Variants in SP140L observed in about 807,000 individuals in gnomAD.
SP140L encodes nuclear body protein SP140-like protein.
Under a neutral mutation model 84.3 loss-of-function variants are expected in SP140L, and 64 were observed. The ratio of observed to expected loss-of-function variants is 0.76; its 90% CI spans 0.62 to 0.94. The LOEUF (loss-of-function observed/expected upper bound fraction) is 0.94. Among genes scored for constraint, SP140L ranks in the 40% least tolerant of loss-of-function variants. The pLI, the probability that SP140L is intolerant of heterozygous loss-of-function variation, is 0.00. For missense variants in SP140L, 628 were observed against 692.5 expected (o/e 0.91, Z 1.05); for synonymous variants, 242 against 236.9 (o/e 1.02, Z -0.20).
At chr2:230,400,785 G>A in intron 15 of SP140L, 170 bp from the exon 16 acceptor site, 2 of 1,477,680 alleles carry the variant, frequency 1.4e-6, no homozygotes, top group Admixed American at 2.0e-5. Context: ...GCGAGGGAAA[G>A]GCCAGTGGCT....
intron 2 of SP140L, among the ~76,000 whole-genome samples, chr2:230,349,567 T>C (rs192633110): frequency 6.6e-6 from 1 of 152,342 alleles, no homozygotes; most frequent in East Asian, 1.9e-4. Flanking sequence ...CATACAAGTC[T>C]TGCATTCTGT....
At chr2:230,381,863 G>C (rs1371209477) in intron 7 of SP140L, among the ~76,000 whole-genome samples, 1 of 152,158 alleles carries the variant, frequency 6.6e-6, no homozygotes, top group African/African-American at 2.4e-5. Context: ...TTAATGCCTG[G>C]CTTTCATACA....
chr2:230,396,361 A>C (rs776805185), intron 13 of SP140L, among the ~76,000 whole-genome samples: 1 of 152,254 alleles, frequency 6.6e-6, no homozygotes, highest in Non-Finnish European at 1.5e-5. Flanking sequence ...CATTTATTGG[A>C]GCAAAGAGCA....
intron 7 of SP140L, among the ~76,000 whole-genome samples, chr2:230,374,544 G>C (rs2061183834): frequency 6.6e-6 from 1 of 152,162 alleles, no homozygotes; most frequent in South Asian, 2.1e-4. Context: ...ATCTACTGTG[G>C]TAAAATGCTA....
intron 16 of SP140L, 49 bp from the exon 17 acceptor site, chr2:230,401,317 G>C: frequency 1.2e-6 from 2 of 1,609,806 alleles, no homozygotes; most frequent in Non-Finnish European, 1.7e-6. Flanking sequence ...ATGCATGTGG[G>C]CTCATTCTCT....
intron 7 of SP140L, among the ~76,000 whole-genome samples, chr2:230,377,417 G>T (rs148192276): frequency 0.012 from 1,889 of 152,144 alleles, 23 homozygotes; most frequent in Middle Eastern, 0.02. Context: ...CTTATGTTTA[G>T]CCCCTGTCAA....
At position 230,403,372 on chromosome 2, in the gene SP140L, T is replaced by G. The variant is rs1466874094; in HGVS notation, c.*476T>G. The stretch of plus-strand genomic sequence containing the variant: ...TGCCTGCCACCATGCCCAGCTAATT[T>G]TTTGCATTTTTAGTAGAGACGGGGT... On this transcript the variant is annotated 3_prime_UTR_variant, in exon 19 of 19. Coordinates refer to ENST00000415673, the MANE Select transcript of SP140L (RefSeq NM_138402.6). 6.5e-6 allele frequency: 1 copy of G among 154,632 alleles called. No individual in the cohort carries two copies. Among genetic ancestry groups the G allele is most frequent in the African/African-American group, 2.4e-5 (1 of 41,372 alleles). 9.6% of individuals were successfully genotyped at this position (154,632 alleles called of 1,614,324 possible).
intron 2 of SP140L, among the ~76,000 whole-genome samples, chr2:230,342,543 G>A (rs988431162): frequency 2.6e-5 from 4 of 151,402 alleles, no homozygotes; most frequent in African/African-American, 9.7e-5. Flanking sequence ...TAATGGAAAG[G>A]TTTTTTTTTC....
intron 2 of SP140L, among the ~76,000 whole-genome samples, chr2:230,337,540 T>C (rs2059914643): frequency 6.6e-6 from 1 of 151,934 alleles, no homozygotes; most frequent in African/African-American, 2.4e-5. Context: ...TGCCATTGCT[T>C]TTGGTGTTTT....
At chr2:230,383,488 C>A (rs1211183331) in intron 7 of SP140L, 22 bp from the exon 8 acceptor site, 2 of 1,583,446 alleles carry the variant, frequency 1.3e-6, no homozygotes, top group Admixed American at 1.8e-5. Context: ...GTATAATTAA[C>A]TTTATTCTCT....
intron 7 of SP140L, among the ~76,000 whole-genome samples, chr2:230,377,858 C>T (rs112671120): frequency 7.0e-6 from 1 of 142,454 alleles, no homozygotes; most frequent in South Asian, 2.3e-4. Context: ...TACCATTTTT[C>T]CTTTATAATC....
In SP140L at chr2:230,339,769, G is replaced by T. The variant is rs1353974206; in HGVS notation, c.107+10938G>T. Among the ~76,000 whole-genome samples the T allele has an allele frequency of 1.4e-4, 19 of 140,148 alleles. No homozygotes were observed. In the East Asian group the frequency reaches 3.5e-3, roughly 26 times the overall value. 91.9% of individuals were successfully genotyped at this position (140,148 alleles called of 152,430 possible). A position where few individuals can be genotyped will look rare whatever the true frequency, so the allele number is the denominator to read the frequency against. ...TTGTTATGTACCCAGTAGTCATTCA[G>T]GAGCAGGTTGTTCAGTTTCCATGTA... On this transcript the variant is annotated intron_variant, in intron 2 of 18. Coordinates refer to ENST00000415673, the MANE Select transcript of SP140L (RefSeq NM_138402.6).
At position 230,402,864 on chromosome 2, in the gene SP140L, T is replaced by G; in HGVS notation, c.1711T>G (p.Phe571Val). The G allele has an allele frequency of 6.2e-7, 1 of 1,613,172 alleles. No homozygotes were observed. The highest frequency in any genetic ancestry group is 8.5e-7 in the Non-Finnish European group (1 of 1,179,766). Residue 571 changes from phenylalanine to valine, a missense_variant, in exon 19 of 19, where the codon TTT (phenylalanine) becomes GTT (valine). By Grantham distance (50) the Phe-to-Val change is conservative (BLOSUM62 -1). Transcript: ENST00000415673. ...AEFEKDFKEV[F>V]AIQETNGNS ...ATTTGAGAAGGATTTCAAGGAAGTG[T>G]TTGCTATTCAGGAAACAAATGGGAA...
intron 2 of SP140L, among the ~76,000 whole-genome samples, chr2:230,349,273 TA>T (rs1253330129): frequency 6.6e-6 from 1 of 152,248 alleles, no homozygotes; most frequent in Non-Finnish European, 1.5e-5. Flanking sequence ...GGTAGCTTTA[TA>T]ATAAGTGTTG....
At chr2:230,364,556 T>G (rs1037829292) in intron 5 of SP140L, among the ~76,000 whole-genome samples, 8 of 152,124 alleles carry the variant, frequency 5.3e-5, no homozygotes, top group African/African-American at 1.7e-4. Flanking sequence ...CTTCAGGGTT[T>G]TCTCTATATA....
intron 2 of SP140L, among the ~76,000 whole-genome samples, chr2:230,352,674 GTC>G (rs1288025260): frequency 1.3e-5 from 2 of 151,932 alleles, no homozygotes; most frequent in East Asian, 3.9e-4. Flanking sequence ...ATTTTATTAG[GTC>G]TCTCTCTAGT....
At position 230,403,031 on chromosome 2, in the gene SP140L, A is replaced by G; in HGVS notation, c.*135A>G. On this transcript the variant is annotated 3_prime_UTR_variant, in exon 19 of 19. Coordinates refer to ENST00000415673, the MANE Select transcript of SP140L (RefSeq NM_138402.6). ...GCCTCCCTCATCTGCCCAAAAACAA[A>G]TCCTCAAAAGAAATTTGATCATCAT... The G allele has an allele frequency of 1.5e-6, 1 of 648,950 alleles. No individual in the cohort carries two copies. Among genetic ancestry groups the G allele is most frequent in the Non-Finnish European group, 2.6e-6 (1 of 380,956 alleles). The allele number at this position is 648,950 out of a possible 1,614,324, so 40.2% of individuals were successfully genotyped here. A position where few individuals can be genotyped will look rare whatever the true frequency, so the allele number is the denominator to read the frequency against.
At position 230,333,449 on chromosome 2, in the gene SP140L, C is replaced by T. The variant is rs537184372; in HGVS notation, c.107+4618C>T. On this transcript the variant is annotated intron_variant, in intron 2 of 18. Coordinates refer to ENST00000415673, the MANE Select transcript of SP140L (RefSeq NM_138402.6). Reference sequence around the variant, plus strand: ...CTGGGATTACAGGCATAAGCCACCGCGCCCGACCCCCATTCTGATTCTTGA... The same window carrying T: ...CTGGGATTACAGGCATAAGCCACCGTGCCCGACCCCCATTCTGATTCTTGA... 4.1e-4 allele frequency among the ~76,000 whole-genome samples: 62 copies of T among 152,212 alleles called. 1 individual carries two copies. The highest frequency in any genetic ancestry group is 5.2e-4 in the Admixed American group (8 of 15,294).
intron 12 of SP140L, among the ~76,000 whole-genome samples, 175 bp downstream of exon 12, chr2:230,392,404 C>T (rs2061856624): frequency 6.6e-6 from 1 of 152,172 alleles, no homozygotes; most frequent in Admixed American, 6.5e-5. Flanking sequence ...TACAGTGCAA[C>T]ACACTGATGT....
Sources: gnomAD v4.1 joint callset for allele counts (sites outside exome capture counted in the v4.1 genomes callset) on GRCh38, gnomAD v4.1.1 for gene constraint, MANE v1.5 for transcripts, NCBI Gene and HGNC (gene_info 2026-07-23, HGNC 2026-07-21) for gene names.